The following C11orf65 variants were observed in gnomAD, a reference collection of about 807,000 sequenced individuals.
The protein encoded by C11orf65 is chromosome 11 open reading frame 65.
In C11orf65, 38 loss-of-function variants were observed where a neutral mutation model predicts 35.3. The ratio of observed to expected loss-of-function variants is 1.08; its 90% CI spans 0.83 to 1.41. The LOEUF is 1.41. C11orf65 is among the 40% of genes most tolerant of loss of function. The probability of loss-of-function intolerance (pLI) is 0.00; values close to 1 mark genes in which losing one functional copy is unlikely to be tolerated. For missense variants in C11orf65, 370 were observed against 367.1 expected, an observed-to-expected ratio of 1.01 and a Z score of -0.06; for synonymous variants, 105 against 114.4, an observed-to-expected ratio of 0.92 and a Z score of 0.53.
At chr11:108,459,465 A>AT (rs2093445245) in intron 2 of C11orf65, among the ~76,000 whole-genome samples, 1 of 152,092 alleles carries the variant, frequency 6.6e-6, no homozygotes, top group South Asian at 2.1e-4. Context: ...GCTCTTTTAA[A>AT]TTGTTAACTC....
At chr11:108,377,587 C>G (rs1467057940) in intron 2 of C11orf65, among the ~76,000 whole-genome samples, 2 of 151,352 alleles carry the variant, frequency 1.3e-5, no homozygotes, top group African/African-American at 4.8e-5. Flanking sequence ...GGGATGCCCT[C>G]TCTCACCACT....
At chr11:108,326,263 T>C (rs2136343318) in intron 6 of C11orf65, 1 of 1,610,530 alleles carries the variant, frequency 6.2e-7, no homozygotes, top group African/African-American at 1.3e-5. Context: ...TGTTTTACTG[T>C]TATTTAAAAA....
chr11:108,469,629 G>GTAA (rs2135834995), upstream of C11orf65, among the ~76,000 whole-genome samples: 2 of 152,082 alleles, frequency 1.3e-5, no homozygotes, highest in South Asian at 4.2e-4. Context: ...GAGTACTTAT[G>GTAA]TTACCTCTAA....
At chr11:108,329,278 G>C (rs1488071646), downstream of C11orf65, 1 of 1,526,298 alleles carries the variant, frequency 6.6e-7, no homozygotes, top group Non-Finnish European at 9.0e-7. Flanking sequence ...ATGTTCACCA[G>C]TTAACTGAGT....
chr11:108,345,604 G>C, intron 2 of C11orf65: 1 of 697,536 alleles, frequency 1.4e-6, no homozygotes, highest in East Asian at 2.8e-5. Flanking sequence ...TCCCTGTCCA[G>C]ACTGTTAGCT....
chr11:108,312,517 A>G lies in C11orf65; in HGVS notation c.641-3446T>C, dbSNP rs757736221. ...TTTACAGGTAAATATTAGAGGCTCT[A>G]TTATTTATGACAGTATTTATCTCAT... is the stretch of plus-strand genomic sequence containing the variant. On this transcript the variant is annotated intron_variant, in intron 6 of 6. Coordinates refer to the C11orf65 transcript ENST00000525729. 1 of 1,490,896 alleles carries G rather than the reference A, an allele frequency of 6.7e-7. No homozygotes were observed. Among genetic ancestry groups the G allele is most frequent in the Non-Finnish European group, 9.4e-7 (1 of 1,068,682 alleles). The allele number at this position is 1,490,896 out of a possible 1,614,324, so 92.4% of individuals were successfully genotyped here.
In C11orf65 at chr11:108,371,483, A is replaced by G. The variant is rs11212596; in HGVS notation, c.226+21725T>C. 6.0e-3 allele frequency among the ~76,000 whole-genome samples: 914 copies of G among 152,298 alleles called. 6 individuals are homozygous for G. Among genetic ancestry groups the G allele is most frequent in the East Asian group, 0.011 (55 of 5,186 alleles). On this transcript the variant is annotated intron_variant, in intron 2 of 3. Coordinates refer to the C11orf65 transcript ENST00000524755. ...TACCTTTTATAAGTAGAATCATGCA[A>G]TATTTGTCTCTTTGTGACTAGCTTA...
chr11:108,465,866 C>A lies in C11orf65; in HGVS notation c.-10+1605G>T, dbSNP rs2093529430. ...GGGTGTGGTGGCGCATGCCTGTAAT[C>A]CCAGCTACTCAGGAAGGCTGAGGCA... is the stretch of plus-strand genomic sequence containing the variant. On this transcript the variant is annotated intron_variant, in intron 1 of 8. Coordinates refer to ENST00000393084, the MANE Select transcript of C11orf65 (RefSeq NM_152587.5). 2.0e-5 allele frequency among the ~76,000 whole-genome samples: 3 copies of A among 151,748 alleles called. No individual in the cohort carries two copies. The South Asian group carries it at 6.2e-4, about 31-fold the overall frequency.
rs1298759781 is a variant in C11orf65 at position 108,333,830 on chromosome 11, GACCTTC to G, written c.299+1384_299+1389del. The G allele has an allele frequency of 1.7e-4, 233 of 1,356,134 alleles. No homozygotes were observed. Among genetic ancestry groups the G allele is most frequent in the Non-Finnish European group, 2.2e-4 (210 of 945,876 alleles). The allele number at this position is 1,356,134 out of a possible 1,614,324, so 84.0% of individuals were successfully genotyped here. A position where few individuals can be genotyped will look rare whatever the true frequency, so the allele number is the denominator to read the frequency against. On this transcript the variant is annotated intron_variant, in intron 3 of 3. Transcript: ENST00000524755. ...TGGTATCTGCTGACTATTCCTGCTT[GACCTTC>G]AATGCTGTTCCTCAGTTTGTCACTA...
intron 3 of C11orf65, among the ~76,000 whole-genome samples, chr11:108,430,701 T>C (rs2092974569): frequency 6.6e-6 from 1 of 151,794 alleles, no homozygotes; most frequent in Non-Finnish European, 1.5e-5. Flanking sequence ...AAAAATTAGC[T>C]GGACGCGGTG....
At chr11:108,333,566 G>A (rs539787815) in intron 3 of C11orf65, among the ~76,000 whole-genome samples, 1 of 152,310 alleles carries the variant, frequency 6.6e-6, no homozygotes, top group African/African-American at 2.4e-5. Context: ...TAATGGTAAT[G>A]TGACAGGAGT....
chr11:108,354,070 A>AACACACACAAAC, intron 2 of C11orf65, among the ~76,000 whole-genome samples: 1 of 114,948 alleles, frequency 8.7e-6, no homozygotes, highest in African/African-American at 3.0e-5. Flanking sequence ...CACACACACA[A>AACACACACAAAC]ACACACACAC....
intron 2 of C11orf65, among the ~76,000 whole-genome samples, chr11:108,370,612 G>GTTTTTTTTTTTTTTT (rs199864432): frequency 1.4e-5 from 2 of 147,278 alleles, no homozygotes. Context: ...TTGCTGCAGG[G>GTTTTTTTTTTTTTTT]TTTTGTTTTG....
At chr11:108,444,211 A>C (rs926645117) in intron 2 of C11orf65, among the ~76,000 whole-genome samples, 5 of 152,198 alleles carry the variant, frequency 3.3e-5, no homozygotes, top group African/African-American at 1.2e-4. Context: ...AATAAACTAG[A>C]AAATCTAGAA....
chr11:108,330,321 A>G (rs1565529851), downstream of C11orf65: 6 of 1,614,206 alleles, frequency 3.7e-6, no homozygotes, highest in Non-Finnish European at 5.1e-6. Context: ...AATTATATCA[A>G]CTGCTTATTA....
chr11:108,379,224 A>G (rs914529010), downstream of C11orf65, among the ~76,000 whole-genome samples: 6 of 152,206 alleles, frequency 3.9e-5, no homozygotes, highest in Admixed American at 6.5e-5. Flanking sequence ...CTTGGAACCA[A>G]CCCAAATGTC....
At chr11:108,366,332 A>G in intron 2 of C11orf65, 1 of 211,598 alleles carries the variant, frequency 4.7e-6, no homozygotes, top group Non-Finnish European at 9.6e-6. Context: ...TCTTTCAGAA[A>G]TTGTTTTTCA....
At chr11:108,421,117 C>G (rs555441779) in intron 3 of C11orf65, among the ~76,000 whole-genome samples, 1 of 152,280 alleles carries the variant, frequency 6.6e-6, no homozygotes, top group East Asian at 1.9e-4. Flanking sequence ...CACTAGTCGT[C>G]TTTCTCTTTT....
At chr11:108,469,213 TAA>T (rs35050634), upstream of C11orf65, among the ~76,000 whole-genome samples, 5 of 132,314 alleles carry the variant, frequency 3.8e-5, no homozygotes, top group African/African-American at 1.1e-4. Context: ...AGATTCCCTC[TAA>T]AAAAAAAAAA....
Sources: allele counts gnomAD v4.1 joint callset (sites outside exome capture counted in the v4.1 genomes callset), GRCh38; gene constraint gnomAD v4.1.1; transcripts MANE v1.5; gene names NCBI Gene and HGNC (gene_info 2026-07-23, HGNC 2026-07-21).